Variants in INSR observed in about 807,000 individuals in gnomAD.
INSR encodes insulin receptor.
INSR carries 67 observed loss-of-function variants against 142.6 expected under a neutral mutation model. That is an observed-to-expected ratio of 0.47 (90% CI 0.39 to 0.58). The LOEUF is 0.58. INSR is among the 20% of genes least tolerant of loss of function. The pLI is 0.00. For synonymous variants in INSR, 756 were observed against 743.1 expected (o/e 1.02, Z -0.28); for missense variants, 1,248 against 1,833.2 (o/e 0.68, Z 5.83).
intron 1 of INSR, among the ~76,000 whole-genome samples, chr19:7,281,464 C>G (rs1366504526): frequency 6.6e-6 from 1 of 151,938 alleles, no homozygotes; most frequent in Non-Finnish European, 1.5e-5. Context: ...CACTTAAGGT[C>G]TTGAGTTCGA....
chr19:7,135,301 CTTCTTTTTTTT>C (rs1972888305), intron 13 of INSR, among the ~76,000 whole-genome samples: 1 of 69,486 alleles, frequency 1.4e-5, no homozygotes, highest in African/African-American at 4.6e-5. Flanking sequence ...GGAAATGCAT[CTTCTTTTTTTT>C]TTTTTTTTTT....
At position 7,152,473 on chromosome 19, in the gene INSR, G is replaced by T. The variant is rs73503015; in HGVS notation, c.2231+253C>A. ...CTCACGTGGAGACCAGCTCAGGAGA[G>T]GTAAGAAAGGCAAATGCTGAGTTTT... On this transcript the variant is annotated intron_variant, in intron 10 of 21. Transcript: ENST00000302850. 3,783 of 544,420 alleles carry T rather than the reference G, an allele frequency of 6.9e-3. 136 individuals carry two copies. The highest frequency in any genetic ancestry group is 0.065 in the African/African-American group (3,422 of 52,910). The allele number at this position is 544,420 out of a possible 1,614,324, so 33.7% of individuals were successfully genotyped here.
chr19:7,121,789 T>C (rs1033270845), intron 19 of INSR, among the ~76,000 whole-genome samples: 1 of 152,172 alleles, frequency 6.6e-6, no homozygotes, highest in African/African-American at 2.4e-5. Context: ...AAGAAGTGAA[T>C]GGGTAAGTGA....
chr19:7,281,462 G>A (rs1379790962), intron 1 of INSR, among the ~76,000 whole-genome samples: 1 of 151,910 alleles, frequency 6.6e-6, no homozygotes, highest in African/African-American at 2.4e-5. Flanking sequence ...ATCACTTAAG[G>A]TCTTGAGTTC....
At chr19:7,175,883 G>A (rs1175530998) in intron 3 of INSR, among the ~76,000 whole-genome samples, 1 of 151,864 alleles carries the variant, frequency 6.6e-6, no homozygotes, top group Non-Finnish European at 1.5e-5. Flanking sequence ...TGGGGAGGGA[G>A]GATGCCAGAT....
intron 9 of INSR, among the ~76,000 whole-genome samples, chr19:7,158,298 A>G (rs955039319): frequency 6.6e-6 from 1 of 151,940 alleles, no homozygotes; most frequent in African/African-American, 2.4e-5. Flanking sequence ...CAGGAGATCG[A>G]GACCATCCTG....
intron 14 of INSR, 21 bp from the exon 15 acceptor site, chr19:7,128,975 A>G (rs893055196): frequency 6.5e-7 from 1 of 1,536,336 alleles, no homozygotes; most frequent in Non-Finnish European, 9.0e-7. Flanking sequence ...ATAAGAAAAT[A>G]TATGTTTCAT....
chr19:7,149,197 C>G (rs530167354), intron 11 of INSR, among the ~76,000 whole-genome samples: 21 of 152,148 alleles, frequency 1.4e-4, no homozygotes, highest in Non-Finnish European at 2.5e-4. Flanking sequence ...GTGAGCCACC[C>G]GAATATTATT....
chr19:7,251,559 C>A (rs1404557831), intron 2 of INSR, among the ~76,000 whole-genome samples: 1 of 147,466 alleles, frequency 6.8e-6, no homozygotes, highest in Admixed American at 6.7e-5. Context: ...CCATGCCCGG[C>A]CATCAATTTT....
chr19:7,212,054 A>G (rs796441180), intron 2 of INSR, among the ~76,000 whole-genome samples: 1 of 140,584 alleles, frequency 7.1e-6, no homozygotes, highest in South Asian at 2.1e-4. Context: ...TCATCTGGGG[A>G]GGGGCCGTCT....
Position 7,144,425 on chromosome 19 carries a change from CAG to C in INSR, c.2268-1337_2268-1336del, listed in dbSNP as rs967524480. 1.6e-4 allele frequency among the ~76,000 whole-genome samples: 25 copies of C among 152,214 alleles called. No individual in the cohort carries two copies. In the East Asian group the frequency reaches 4.4e-3, roughly 27 times the overall value. ...CCTTATTTATTTATTTATTTTGAGA[CAG>C]AGTTTCACTCTTGTCGCCCAGGCTG... On this transcript the variant is annotated intron_variant, in intron 11 of 21. Coordinates refer to ENST00000302850, the MANE Select transcript of INSR (RefSeq NM_000208.4).
chr19:7,267,260 T>C lies in INSR; in HGVS notation c.652+85A>G. On this transcript the variant is annotated intron_variant, in intron 2 of 21. Transcript: ENST00000302850. This position sits in a 1 kb window ranked among gnomAD's most constrained non-coding sequence, Gnocchi z 6.3. ...TTCCCCGGCCCCTACCTAATGACCA[T>C]TTAACATTTTTAAGCCATAAAACAT... The C allele has an allele frequency of 7.0e-7, 1 of 1,436,182 alleles. No individual in the cohort carries two copies. The highest frequency in any genetic ancestry group is 9.7e-7 in the Non-Finnish European group (1 of 1,028,958). 89.0% of individuals were successfully genotyped at this position (1,436,182 alleles called of 1,614,324 possible).
At chr19:7,234,301 G>C (rs1386241417) in intron 2 of INSR, among the ~76,000 whole-genome samples, 1 of 151,930 alleles carries the variant, frequency 6.6e-6, no homozygotes, top group Non-Finnish European at 1.5e-5. Flanking sequence ...GGAACTCCCT[G>C]GCTCAAGCAA....
At chr19:7,154,911 C>G (rs140728576) in intron 9 of INSR, among the ~76,000 whole-genome samples, 3 of 151,684 alleles carry the variant, frequency 2.0e-5, no homozygotes, top group African/African-American at 7.3e-5. Flanking sequence ...GCGACAACAG[C>G]GAGACTCTGT....
At chr19:7,190,201 A>T (rs113493286) in intron 2 of INSR, among the ~76,000 whole-genome samples, 2 of 151,714 alleles carry the variant, frequency 1.3e-5, no homozygotes, top group African/African-American at 2.4e-5. Context: ...AAAAAAAAAG[A>T]AAAAAATCAT....
chr19:7,189,266 C>G (rs1974514179), intron 2 of INSR, among the ~76,000 whole-genome samples: 1 of 152,198 alleles, frequency 6.6e-6, no homozygotes, highest in Non-Finnish European at 1.5e-5. Flanking sequence ...CATCAATGGC[C>G]TAACACAAAC....
At chr19:7,147,600 G>T (rs1016780536) in intron 11 of INSR, among the ~76,000 whole-genome samples, 1 of 152,024 alleles carries the variant, frequency 6.6e-6, no homozygotes, top group Non-Finnish European at 1.5e-5. Context: ...CTACTTTGGG[G>T]GCATTTCTTA....
At chr19:7,283,979 C>T (rs1434541572) in intron 1 of INSR, among the ~76,000 whole-genome samples, 2 of 152,176 alleles carry the variant, frequency 1.3e-5, no homozygotes, top group African/African-American at 2.4e-5. Context: ...ACCGAACTCA[C>T]GGCCAACAGT....
rs896763262 is a variant in INSR at position 7,197,520 on chromosome 19, T to G, written c.653-12883A>C. On this transcript the variant is annotated intron_variant, in intron 2 of 21. Transcript: ENST00000302850. Reference sequence around the variant, plus strand: ...AGGTTCCAGAGTGGGAGTGGGGGTGTGTGTGTGTGTGTGTGTGTGTGTGTG... The same window carrying G: ...AGGTTCCAGAGTGGGAGTGGGGGTGGGTGTGTGTGTGTGTGTGTGTGTGTG... Among the ~76,000 whole-genome samples, 220 of 132,852 alleles carry G rather than the reference T, an allele frequency of 1.7e-3. 6 individuals carry two copies. The highest frequency in any genetic ancestry group is 2.8e-3 in the African/African-American group (91 of 32,250). 87.2% of individuals were successfully genotyped at this position (132,852 alleles called of 152,430 possible).
Sources: gnomAD v4.1 joint callset for allele counts (sites outside exome capture counted in the v4.1 genomes callset) on GRCh38, gnomAD v4.1.1 for gene constraint, Gnocchi (gnomAD v3.1) non-coding constraint, MANE v1.5 for transcripts, NCBI Gene and HGNC (gene_info 2026-07-23, HGNC 2026-07-21) for gene names.